Variants in SYTL3 observed in about 807,000 individuals in gnomAD.
SYTL3 encodes synaptotagmin-like protein 3.
Under a neutral mutation model 82.1 loss-of-function variants are expected in SYTL3, and 88 were observed. The observed-to-expected ratio is 1.07, with a 90% CI of 0.90 to 1.28. The LOEUF (loss-of-function observed/expected upper bound fraction) is 1.28. Ranked by LOEUF, SYTL3 falls within the 50% of genes most tolerant of loss-of-function variation. The pLI, the probability that SYTL3 is intolerant of heterozygous loss-of-function variation, is 0.00. For missense variants in SYTL3, 831 were observed against 757.6 expected (o/e 1.10, Z -1.14); for synonymous variants, 311 against 289.4 (o/e 1.07, Z -0.76).
rs774306627 is a variant in SYTL3, at chr6:158,708,429, CAG to C, written c.516+39_516+40del. On this transcript the variant is annotated intron_variant, in intron 8 of 17. Transcript: ENST00000611299. ...TTCTGGGCACTTCTCTAGTAGGGGTCAGGGGATAGAAGGAGAGGAAGCAGGGG... is the reference window on the plus strand; with the variant it reads ...TTCTGGGCACTTCTCTAGTAGGGGTCGGGATAGAAGGAGAGGAAGCAGGGG... The C allele has an allele frequency of 5.7e-6, 9 of 1,585,416 alleles. No homozygotes were observed. The Admixed American group carries it at 8.3e-5, about 15-fold the overall frequency.
At chr6:158,677,853 A>C (rs1057169425) in intron 5 of SYTL3, among the ~76,000 whole-genome samples, 4 of 152,122 alleles carry the variant, frequency 2.6e-5, no homozygotes, top group African/African-American at 7.2e-5. Context: ...CAGTTTTACA[A>C]TATGCAGCTT....
At chr6:158,756,122 C>T (rs1396087911) in intron 13 of SYTL3, among the ~76,000 whole-genome samples, 1 of 152,252 alleles carries the variant, frequency 6.6e-6, no homozygotes, top group African/African-American at 2.4e-5. Flanking sequence ...AAGTGAGGCC[C>T]TCAGAGGCTG....
At chr6:158,707,311 G>A in intron 7 of SYTL3, 30 bp downstream of exon 7, 2 of 1,610,716 alleles carry the variant, frequency 1.2e-6, no homozygotes, top group South Asian at 2.2e-5. Flanking sequence ...GACCGTCCCT[G>A]GCCCTCCGGG....
rs889716095 is a variant in SYTL3 at position 158,764,802 on chromosome 6, C to T, written c.*198C>T. ...TTAAACACAATTATGTTACCTAAGCCTCTGGTGGGTTATCTCCTCTTTGAG... is the reference window on the plus strand; with the variant it reads ...TTAAACACAATTATGTTACCTAAGCTTCTGGTGGGTTATCTCCTCTTTGAG... On this transcript the variant is annotated 3_prime_UTR_variant, in exon 18 of 18. Transcript: ENST00000611299. 6.3e-6 allele frequency: 3 copies of T among 477,896 alleles called. No individual in the cohort carries two copies. The highest frequency in any genetic ancestry group is 1.1e-5 in the Non-Finnish European group (3 of 267,922). The allele number at this position is 477,896 out of a possible 1,614,324, so 29.6% of individuals were successfully genotyped here.
At chr6:158,686,346 G>C (rs1230772481) in intron 6 of SYTL3, among the ~76,000 whole-genome samples, 1 of 152,106 alleles carries the variant, frequency 6.6e-6, no homozygotes, top group African/African-American at 2.4e-5. Flanking sequence ...ATAAACACCA[G>C]AAAAGCCCTA....
chr6:158,700,878 G>A (rs941708119), intron 6 of SYTL3, among the ~76,000 whole-genome samples: 21 of 152,112 alleles, frequency 1.4e-4, no homozygotes, highest in East Asian at 3.9e-4. Context: ...GGCCTCCCAA[G>A]GTGCTGGGAT....
At chr6:158,665,088 C>A (rs575823359) in intron 4 of SYTL3, among the ~76,000 whole-genome samples, 2 of 152,276 alleles carry the variant, frequency 1.3e-5, no homozygotes, top group East Asian at 1.9e-4. Context: ...AGCCTTTGGG[C>A]AGGAAGGGAT....
chr6:158,693,844 C>CTTTTACTTTTTTTTTTTTT lies in SYTL3; in HGVS notation c.394+10859_394+10860insACTTTTTTTTTTTTTTTTT, dbSNP rs763990639. On this transcript the variant is annotated intron_variant, in intron 6 of 17. Transcript: ENST00000611299. ...AGGTGTGCCACTGCATCCAGCCTTT[C>CTTTTACTTTTTTTTTTTTT]TTTTTCTTTTCTTTTTTTTTTTTTT... is the stretch of plus-strand genomic sequence containing the variant. Among the ~76,000 whole-genome samples the CTTTTACTTTTTTTTTTTTT allele has an allele frequency of 3.6e-3, 201 of 55,548 alleles. 13 individuals carry two copies. The highest frequency in any genetic ancestry group is 4.8e-3 in the Non-Finnish European group (142 of 29,476). 36.4% of individuals were successfully genotyped at this position (55,548 alleles called of 152,430 possible). A position where few individuals can be genotyped will look rare whatever the true frequency, so the allele number is the denominator to read the frequency against.
chr6:158,749,570 C>T (rs1453692187), intron 12 of SYTL3, among the ~76,000 whole-genome samples: 2 of 120,214 alleles, frequency 1.7e-5, no homozygotes, highest in African/African-American at 6.3e-5. Flanking sequence ...AGGCTGGTCT[C>T]AAACTCCTGA....
At chr6:158,753,411 T>A (rs1427642269) in intron 13 of SYTL3, among the ~76,000 whole-genome samples, 1 of 151,902 alleles carries the variant, frequency 6.6e-6, no homozygotes, top group Non-Finnish European at 1.5e-5. Flanking sequence ...GATGCCCCTG[T>A]ACTTAGAACT....
At chr6:158,697,225 C>T (rs1340199345) in intron 6 of SYTL3, among the ~76,000 whole-genome samples, 1 of 149,696 alleles carries the variant, frequency 6.7e-6, no homozygotes, top group Non-Finnish European at 1.5e-5. Flanking sequence ...GATTGCTTGA[C>T]CCCAGGAGTT....
At chr6:158,722,280 C>T (rs1399624906) in intron 10 of SYTL3, among the ~76,000 whole-genome samples, 1 of 151,880 alleles carries the variant, frequency 6.6e-6, no homozygotes, top group African/African-American at 2.4e-5. Flanking sequence ...CCCACTTCAG[C>T]ACCCCCGAGT....
Position 158,710,863 on chromosome 6 carries a change from C to T in SYTL3, c.516+2472C>T, listed in dbSNP as rs7776222. 9.2e-3 allele frequency among the ~76,000 whole-genome samples: 1,405 copies of T among 152,134 alleles called. 23 individuals carry two copies. The highest frequency in any genetic ancestry group is 0.032 in the African/African-American group (1,340 of 41,478). On this transcript the variant is annotated intron_variant, in intron 8 of 17. Transcript: ENST00000611299. ...TGGCGCAATCTTGGCCCATCACACC[C>T]TCCACCTCCCGGGTTCAAGCGATTC...
chr6:158,739,376 A>AGGCCCCGGGAAG (rs1786629869), intron 11 of SYTL3, among the ~76,000 whole-genome samples: 1 of 152,096 alleles, frequency 6.6e-6, no homozygotes, highest in Admixed American at 6.6e-5. Context: ...ATTTTAAGCA[A>AGGCCCCGGGAAG]TGTTATTATG....
At chr6:158,667,405 G>T (rs955342293) in intron 5 of SYTL3, among the ~76,000 whole-genome samples, 3 of 152,178 alleles carry the variant, frequency 2.0e-5, no homozygotes, top group Non-Finnish European at 2.9e-5. Context: ...GAAGTCGGGA[G>T]GGGAGAGAGC....
chr6:158,647,470 C>T (rs1165861295), upstream of SYTL3, among the ~76,000 whole-genome samples: 1 of 152,060 alleles, frequency 6.6e-6, no homozygotes, highest in African/African-American at 2.4e-5. Context: ...TAAAACATGG[C>T]CTTTATGGAA....
chr6:158,695,220 G>T (rs1432946044), intron 6 of SYTL3, among the ~76,000 whole-genome samples: 1 of 152,140 alleles, frequency 6.6e-6, no homozygotes, highest in Non-Finnish European at 1.5e-5. Flanking sequence ...TACAGAAAAA[G>T]TTTGCTGACC....
intron 7 of SYTL3, 38 bp downstream of exon 7, chr6:158,707,319 G>T: frequency 6.2e-7 from 1 of 1,605,494 alleles, no homozygotes; most frequent in Non-Finnish European, 8.5e-7. Flanking sequence ...CTGGCCCTCC[G>T]GGGCAGGAGC....
chr6:158,732,949 A>T (rs1354406702), intron 11 of SYTL3, among the ~76,000 whole-genome samples: 3 of 107,464 alleles, frequency 2.8e-5, no homozygotes, highest in Non-Finnish European at 6.2e-5. Context: ...TTAAAAGTTT[A>T]AAAAGAAAAA....
Sources: allele counts gnomAD v4.1 joint callset (sites outside exome capture counted in the v4.1 genomes callset), GRCh38; gene constraint gnomAD v4.1.1; transcripts MANE v1.5; gene names NCBI Gene and HGNC (gene_info 2026-07-23, HGNC 2026-07-21).